The following NBEA variants were observed in gnomAD, a reference collection of about 807,000 sequenced individuals.
NBEA encodes lysosomal-trafficking regulator 2.
Under a neutral mutation model 343.4 loss-of-function variants are expected in NBEA, and 44 were observed. The observed-to-expected ratio is 0.13, with a 90% CI of 0.10 to 0.16. NBEA has a LOEUF of 0.16. NBEA is among the 10% of genes least tolerant of loss of function. NBEA has a pLI of 1.00. For missense variants in NBEA, 2,555 were observed against 3,631.3 expected, an observed-to-expected ratio of 0.70 and a Z score of 7.62; for synonymous variants, 1,175 against 1,238.7, an observed-to-expected ratio of 0.95 and a Z score of 1.08.
chr13:35,027,322 A>G (rs531578488), intron 1 of NBEA, among the ~76,000 whole-genome samples: 1 of 152,218 alleles, frequency 6.6e-6, no homozygotes, highest in South Asian at 2.1e-4. Flanking sequence ...ATATACTGCC[A>G]AACTATTTTC....
chr13:35,533,640 A>G (rs888184003), intron 41 of NBEA, among the ~76,000 whole-genome samples: 3 of 152,204 alleles, frequency 2.0e-5, no homozygotes, highest in African/African-American at 7.2e-5. Context: ...ATTACTTATA[A>G]TACAGTTAGC....
intron 1 of NBEA, among the ~76,000 whole-genome samples, chr13:34,948,335 C>T (rs1018496787): frequency 6.6e-6 from 1 of 152,192 alleles, no homozygotes; most frequent in East Asian, 1.9e-4. Context: ...GGTAGCGAGC[C>T]AGAGTAGGTT....
chr13:35,552,009 A>G lies in NBEA; in HGVS notation c.6806+977A>G, dbSNP rs537492071. ...CAATCATTCCCTAGGTTTTATGGAA[A>G]AAGATACCTCTGATTCTTTGCCAGC... is the stretch of plus-strand genomic sequence containing the variant. On this transcript the variant is annotated intron_variant, in intron 43 of 58. Coordinates refer to ENST00000379939, the MANE Select transcript of NBEA (RefSeq NM_001385012.1). 4.6e-5 allele frequency among the ~76,000 whole-genome samples: 7 copies of G among 152,300 alleles called. No individual in the cohort carries two copies. In the East Asian group the frequency reaches 1.4e-3, roughly 29 times the overall value.
chr13:35,147,163 G>T (rs1434994066), intron 18 of NBEA, among the ~76,000 whole-genome samples: 3 of 152,174 alleles, frequency 2.0e-5, no homozygotes, highest in Admixed American at 6.5e-5. Flanking sequence ...CCTGTTGATA[G>T]TTCCAGTTAG....
chr13:35,568,021 A>G (rs1481442459), intron 45 of NBEA, among the ~76,000 whole-genome samples: 4 of 152,164 alleles, frequency 2.6e-5, no homozygotes, highest in Non-Finnish European at 4.4e-5. Context: ...CCCATTTGTA[A>G]TATGAGAATA....
intron 27 of NBEA, 68 bp downstream of exon 27, chr13:35,173,662 A>G (rs2070649666): frequency 1.3e-6 from 2 of 1,481,928 alleles, no homozygotes; most frequent in Non-Finnish European, 1.8e-6. Flanking sequence ...GTTGATGAGA[A>G]CAAAGTGCCA....
intron 48 of NBEA, among the ~76,000 whole-genome samples, chr13:35,615,959 C>G (rs943087196): frequency 6.6e-6 from 1 of 152,166 alleles, no homozygotes; most frequent in African/African-American, 2.4e-5. Flanking sequence ...GAACTTACAG[C>G]TGAGGAAGTG....
intron 25 of NBEA, among the ~76,000 whole-genome samples, chr13:35,169,499 T>C (rs2070302765): frequency 6.6e-6 from 1 of 151,558 alleles, no homozygotes; most frequent in Non-Finnish European, 1.5e-5. Context: ...TATGGACACC[T>C]TAATAATTCT....
At chr13:35,136,444 AC>A (rs1354126131) in intron 17 of NBEA, among the ~76,000 whole-genome samples, 8 of 152,218 alleles carry the variant, frequency 5.3e-5, no homozygotes, top group Non-Finnish European at 1.0e-4. Flanking sequence ...AAGGCCTGAA[AC>A]AATTTCCTTT....
chr13:34,966,293 CT>C (rs1013892232), intron 1 of NBEA, among the ~76,000 whole-genome samples: 3 of 151,954 alleles, frequency 2.0e-5, no homozygotes, highest in African/African-American at 7.2e-5. Context: ...TTCAGTGTTT[CT>C]TATATTTCTT....
At chr13:35,012,528 T>A (rs2061521097) in intron 1 of NBEA, among the ~76,000 whole-genome samples, 1 of 151,958 alleles carries the variant, frequency 6.6e-6, no homozygotes, top group Admixed American at 6.6e-5. Flanking sequence ...TGTGGTAGAG[T>A]CTTTAGTCCT....
chr13:35,085,836 A>G (rs1479522068), intron 10 of NBEA, among the ~76,000 whole-genome samples: 1 of 152,134 alleles, frequency 6.6e-6, no homozygotes, highest in Non-Finnish European at 1.5e-5. Context: ...AGAAAACCCC[A>G]TCATCTCAGC....
intron 40 of NBEA, 105 bp downstream of exon 40, chr13:35,452,340 A>G (rs2046350670): frequency 2.5e-6 from 2 of 784,890 alleles, no homozygotes; most frequent in African/African-American, 1.8e-5. Context: ...GGTTGTAACA[A>G]TGCTCAATCA....
intron 37 of NBEA, among the ~76,000 whole-genome samples, chr13:35,349,596 CA>C (rs910772185): frequency 1.1e-4 from 17 of 147,836 alleles, no homozygotes; most frequent in African/African-American, 4.1e-4. Flanking sequence ...ATATAAGATT[CA>C]AAAAAATCTT....
At chr13:35,321,136 C>G (rs761377379) in intron 36 of NBEA, among the ~76,000 whole-genome samples, 2 of 152,092 alleles carry the variant, frequency 1.3e-5, no homozygotes, top group Non-Finnish European at 2.9e-5. Context: ...CGTTCCCCTG[C>G]TGGCGAGGAG....
chr13:35,635,164 C>CAAG (rs1274018342), intron 49 of NBEA, among the ~76,000 whole-genome samples: 1 of 152,108 alleles, frequency 6.6e-6, no homozygotes, highest in Non-Finnish European at 1.5e-5. Flanking sequence ...TCATTGTCTT[C>CAAG]CTTGAATTCT....
intron 24 of NBEA, among the ~76,000 whole-genome samples, chr13:35,166,863 T>C (rs1275774842): frequency 1.3e-5 from 2 of 151,952 alleles, no homozygotes; most frequent in African/African-American, 2.4e-5. Flanking sequence ...AAATTTAAAG[T>C]GTAAAAAGCC....
chr13:35,469,277 A>G (rs2075538652), intron 40 of NBEA, among the ~76,000 whole-genome samples: 1 of 152,040 alleles, frequency 6.6e-6, no homozygotes, highest in Non-Finnish European at 1.5e-5. Context: ...TAAAATGTGT[A>G]CTTTCTACTG....
At chr13:35,373,572 G>C (rs1744049163) in intron 38 of NBEA, among the ~76,000 whole-genome samples, 1 of 151,786 alleles carries the variant, frequency 6.6e-6, no homozygotes, top group East Asian at 1.9e-4. Context: ...GGGCATGGTG[G>C]TGCATGCCTG....
Sources: gnomAD v4.1 joint callset for allele counts (sites outside exome capture counted in the v4.1 genomes callset) on GRCh38, gnomAD v4.1.1 for gene constraint, MANE v1.5 for transcripts, NCBI Gene and HGNC (gene_info 2026-07-23, HGNC 2026-07-21) for gene names.